The following PHLPP1 variants were observed in gnomAD, a reference collection of about 807,000 sequenced individuals.
PHLPP1 encodes PH domain leucine-rich repeat-containing protein phosphatase 1.
Under a neutral mutation model 117.2 loss-of-function variants are expected in PHLPP1, and 42 were observed. That is an observed-to-expected ratio of 0.36 (90% CI 0.28 to 0.46). The LOEUF is 0.46. Ranked by LOEUF, PHLPP1 falls within the 20% of genes least tolerant of loss-of-function variation. PHLPP1 has a pLI of 1.00. For missense variants in PHLPP1, 2,084 were observed against 2,241.9 expected (o/e 0.93, Z 1.42); for synonymous variants, 1,042 against 970.7 (o/e 1.07, Z -1.37).
chr18:62,895,005 TA>T lies in PHLPP1; in HGVS notation c.2067-4del. 1 of 1,596,024 alleles carries T rather than the reference TA, an allele frequency of 6.3e-7. No homozygotes were observed. The highest frequency in any genetic ancestry group is 8.6e-7 in the Non-Finnish European group (1 of 1,169,074). ...TTTTCCCTTTTGTTTTGCTTTATTGTAATAGGTTCACCAAGTTGAAGAGTCT... is the reference window on the plus strand; with the variant it reads ...TTTTCCCTTTTGTTTTGCTTTATTGTATAGGTTCACCAAGTTGAAGAGTCT... On this transcript the variant is annotated splice_region_variant and splice_polypyrimidine_tract_variant and intron_variant, in intron 4 of 16. Coordinates refer to ENST00000262719, the MANE Select transcript of PHLPP1 (RefSeq NM_194449.4).
chr18:62,806,212 A>G (rs775617660), intron 1 of PHLPP1, among the ~76,000 whole-genome samples: 6 of 152,192 alleles, frequency 3.9e-5, no homozygotes, highest in Non-Finnish European at 7.4e-5. Context: ...AGAAGAAGGG[A>G]GAATTGGTAA....
chr18:62,844,281 C>T (rs1220126893), intron 3 of PHLPP1, among the ~76,000 whole-genome samples: 1 of 152,048 alleles, frequency 6.6e-6, no homozygotes, highest in Non-Finnish European at 1.5e-5. Flanking sequence ...GAAGGTTGCA[C>T]TGAGCTGAGA....
At chr18:62,863,169 C>A (rs1193253649) in intron 4 of PHLPP1, among the ~76,000 whole-genome samples, 1 of 151,540 alleles carries the variant, frequency 6.6e-6, no homozygotes, top group African/African-American at 2.4e-5. Flanking sequence ...ATGGTTCTCT[C>A]TCTCTCTCTC....
intron 6 of PHLPP1, among the ~76,000 whole-genome samples, chr18:62,898,283 C>G (rs958131622): frequency 6.6e-6 from 1 of 152,200 alleles, no homozygotes; most frequent in Admixed American, 6.5e-5. Flanking sequence ...CAGTGTCTTT[C>G]TTACTCAACC....
chr18:62,826,584 T>C (rs1256219844), intron 1 of PHLPP1, among the ~76,000 whole-genome samples: 1 of 152,242 alleles, frequency 6.6e-6, no homozygotes, highest in Non-Finnish European at 1.5e-5. Flanking sequence ...CTCTAGCATC[T>C]AGCATAGTGG....
At chr18:62,968,814 A>T (rs1321199952) in intron 14 of PHLPP1, among the ~76,000 whole-genome samples, 1 of 152,064 alleles carries the variant, frequency 6.6e-6, no homozygotes, top group East Asian at 1.9e-4. Context: ...GATTACAGGC[A>T]TGAGCCACCA....
chr18:62,722,793 G>A (rs1345240270), intron 1 of PHLPP1, among the ~76,000 whole-genome samples: 1 of 152,134 alleles, frequency 6.6e-6, no homozygotes, highest in Non-Finnish European at 1.5e-5. Flanking sequence ...AAGTACTTAG[G>A]AAGAATAGAC....
intron 1 of PHLPP1, among the ~76,000 whole-genome samples, chr18:62,807,403 T>C (rs557360993): frequency 6.3e-4 from 96 of 152,354 alleles, no homozygotes; most frequent in Non-Finnish European, 1.3e-3. Flanking sequence ...GAGTATTTGC[T>C]CTAAGGCTTA....
chr18:62,874,404 G>T (rs1915985692), intron 4 of PHLPP1, among the ~76,000 whole-genome samples: 1 of 152,020 alleles, frequency 6.6e-6, no homozygotes, highest in Non-Finnish European at 1.5e-5. Context: ...AGGTATTTGG[G>T]AGGCTGAGGC....
rs562697220 is a variant in PHLPP1, at chr18:62,750,769, T to G, written c.1576+33510T>G. Among the ~76,000 whole-genome samples the G allele has an allele frequency of 1.3e-5, 2 of 152,194 alleles. 1 individual carries two copies. The highest frequency in any genetic ancestry group is 4.1e-4 in the South Asian group (2 of 4,824). Reference sequence around the variant, plus strand: ...TTCTCCACTTTCTTCTGTGATTCATTAATGTATTTTTTCTTGCTGCATTTC... The same window carrying G: ...TTCTCCACTTTCTTCTGTGATTCATGAATGTATTTTTTCTTGCTGCATTTC... On this transcript the variant is annotated intron_variant, in intron 1 of 16. Transcript: ENST00000262719.
chr18:62,817,557 T>C (rs1160161315), intron 1 of PHLPP1, among the ~76,000 whole-genome samples: 1 of 151,596 alleles, frequency 6.6e-6, no homozygotes, highest in Non-Finnish European at 1.5e-5. Context: ...TTACCAACGA[T>C]GAAACATACA....
At chr18:62,842,041 A>G (rs1212159792) in intron 3 of PHLPP1, among the ~76,000 whole-genome samples, 1 of 152,132 alleles carries the variant, frequency 6.6e-6, no homozygotes, top group Non-Finnish European at 1.5e-5. Flanking sequence ...TAATAATAGT[A>G]CTTACCTTTT....
intron 4 of PHLPP1, among the ~76,000 whole-genome samples, chr18:62,880,083 AAATC>A (rs1320039626): frequency 1.3e-5 from 2 of 152,182 alleles, no homozygotes; most frequent in Non-Finnish European, 2.9e-5. Flanking sequence ...AACCATGTCT[AAATC>A]ACATTTGTAT....
chr18:62,899,401 G>A (rs1916657961), intron 6 of PHLPP1, among the ~76,000 whole-genome samples: 1 of 152,130 alleles, frequency 6.6e-6, no homozygotes, highest in Non-Finnish European at 1.5e-5. Flanking sequence ...TCTGTTTGAT[G>A]CAGAGGCTGT....
chr18:62,730,016 A>T (rs1237532329), intron 1 of PHLPP1, among the ~76,000 whole-genome samples: 1 of 152,258 alleles, frequency 6.6e-6, no homozygotes, highest in Admixed American at 6.5e-5. Flanking sequence ...AAATGGAGTT[A>T]CAGAGCAGTT....
intron 3 of PHLPP1, 46 bp downstream of exon 3, chr18:62,838,955 T>C: frequency 1.9e-6 from 3 of 1,606,736 alleles, no homozygotes; most frequent in South Asian, 1.1e-5. Context: ...TCTAGCTGGC[T>C]ACAAAGTTCC....
At position 62,860,510 on chromosome 18, in the gene PHLPP1, A is replaced by G. The variant is rs183375168; in HGVS notation, c.1975A>G (p.Ser659Gly). ...LEHLPANLFY[S>G]QDLTHLNLKQ... ...ACATCTGCCTGCCAACCTCTTCTACAGCCAAGACCTCACTCATCTCAATTT... is the reference window on the plus strand; with the variant it reads ...ACATCTGCCTGCCAACCTCTTCTACGGCCAAGACCTCACTCATCTCAATTT... Residue 659 changes from serine to glycine, a missense_variant, in exon 4 of 17, where the codon AGC (serine) becomes GGC (glycine). By Grantham distance (56) the Ser-to-Gly change is moderately conservative. Transcript: ENST00000262719. 6.2e-7 allele frequency: 1 copy of G among 1,613,928 alleles called. No homozygotes were observed. The highest frequency in any genetic ancestry group is 1.7e-5 in the Admixed American group (1 of 60,018).
chr18:62,872,230 G>A (rs1915922371), intron 4 of PHLPP1, among the ~76,000 whole-genome samples: 1 of 152,218 alleles, frequency 6.6e-6, no homozygotes, highest in Non-Finnish European at 1.5e-5. Context: ...TTGTGGAAAA[G>A]TAAGTCAAAT....
At chr18:62,896,798 A>G (rs1010513135) in intron 6 of PHLPP1, among the ~76,000 whole-genome samples, 6 of 152,050 alleles carry the variant, frequency 3.9e-5, no homozygotes, top group African/African-American at 9.7e-5. Context: ...CTCCTTTCAT[A>G]TGGTTCAGCC....
Sources: gnomAD v4.1 joint callset for allele counts (sites outside exome capture counted in the v4.1 genomes callset) on GRCh38, gnomAD v4.1.1 for gene constraint, MANE v1.5 for transcripts, NCBI Gene and HGNC (gene_info 2026-07-23, HGNC 2026-07-21) for gene names.